ZNF189: variants seen among roughly 807,000 people sequenced by gnomAD.
ZNF189 encodes the protein zinc finger protein 189.
In ZNF189, 33 loss-of-function variants were observed where a neutral mutation model predicts 53.5. That is an observed-to-expected ratio of 0.62 (90% CI 0.47 to 0.82). The LOEUF is 0.82. Among genes scored for constraint, ZNF189 ranks in the 40% least tolerant of loss-of-function variants. The probability of loss-of-function intolerance (pLI) is 0.00; values close to 1 mark genes in which losing one functional copy is unlikely to be tolerated. For missense variants in ZNF189, 711 were observed against 753.9 expected, an observed-to-expected ratio of 0.94 and a Z score of 0.67; for synonymous variants, 247 against 238.8, an observed-to-expected ratio of 1.03 and a Z score of -0.32.
At position 101,409,509 on chromosome 9, in the gene ZNF189, C is replaced by G; in HGVS notation, c.1741C>G (p.Arg581Gly). ...GTGCGACAAAAGTTTCAGTCAACAG[C>G]GCAGTCTTGTCAACCATCAGAAGAT... ...EKCDKSFSQQ[R>G]SLVNHQKIHA... The change falls in exon 3 of 3, where the codon CGC becomes GGC. Residue 581 changes from arginine (R) to glycine (G), a missense_variant. Arg to Gly is a moderately radical substitution (Grantham distance 125). Transcript: ENST00000339664. The G allele has an allele frequency of 6.2e-7, 1 of 1,614,044 alleles. No individual in the cohort carries two copies. The highest frequency in any genetic ancestry group is 8.5e-7 in the Non-Finnish European group (1 of 1,179,990).
In ZNF189 at chr9:101,399,206, C is replaced by T; in HGVS notation, c.33+17C>T. ...GAGTCGAAGGTAAGTAAGCACCCCC[C>T]CGGGGATCCCGGTTGTCTCGCCGCT... On this transcript the variant is annotated intron_variant, in intron 1 of 2. Transcript: ENST00000339664. The T allele has an allele frequency of 1.3e-6, 2 of 1,577,408 alleles. No individual in the cohort carries two copies. Among genetic ancestry groups the T allele is most frequent in the Non-Finnish European group, 8.7e-7 (1 of 1,151,998 alleles).
chr9:101,405,526 C>A (rs1425548776), intron 2 of ZNF189, among the ~76,000 whole-genome samples: 2 of 151,976 alleles, frequency 1.3e-5, no homozygotes, highest in African/African-American at 2.4e-5. Context: ...TAATTGTGAG[C>A]CCTTTGTGAG....
intron 2 of ZNF189, among the ~76,000 whole-genome samples, chr9:101,405,998 G>T (rs1433801776): frequency 6.6e-6 from 1 of 151,076 alleles, no homozygotes; most frequent in African/African-American, 2.4e-5. Flanking sequence ...CCGCGAGGTG[G>T]AGGTTGTAGT....
At position 101,407,306 on chromosome 9, in the gene ZNF189, G is replaced by T. The variant is rs920126728; in HGVS notation, c.161-623G>T. The T allele has an allele frequency of 2.0e-5, 8 of 396,548 alleles. No individual in the cohort carries two copies. In the Admixed American group the frequency reaches 3.5e-4, roughly 17 times the overall value. The allele number at this position is 396,548 out of a possible 1,614,324, so 24.6% of individuals were successfully genotyped here. A position where few individuals can be genotyped will look rare whatever the true frequency, so the allele number is the denominator to read the frequency against. ...GTTTCTGGAGTGCTTTTGATGGGCA[G>T]TGAGTAAATGCTTGTTAATGAATGA... On this transcript the variant is annotated intron_variant, in intron 2 of 2. Transcript: ENST00000339664.
At chr9:101,403,804 G>T (rs1438278473) in intron 2 of ZNF189, among the ~76,000 whole-genome samples, 2 of 152,084 alleles carry the variant, frequency 1.3e-5, no homozygotes, top group African/African-American at 2.4e-5. Flanking sequence ...CTTCCCAAAG[G>T]CCCCGCCTCC....
At chr9:101,400,824 G>A (rs1484513708) in intron 2 of ZNF189, among the ~76,000 whole-genome samples, 4 of 152,192 alleles carry the variant, frequency 2.6e-5, no homozygotes, top group Non-Finnish European at 4.4e-5. Flanking sequence ...GGAAATGGAA[G>A]TTTATTGACT....
chr9:101,399,083 G>C lies in ZNF189; in HGVS notation c.-74G>C. The C allele has an allele frequency of 9.6e-7, 1 of 1,043,156 alleles. No homozygotes were observed. Among genetic ancestry groups the C allele is most frequent in the Non-Finnish European group, 1.5e-6 (1 of 666,480 alleles). The allele number at this position is 1,043,156 out of a possible 1,614,324, so 64.6% of individuals were successfully genotyped here. On this transcript the variant is annotated 5_prime_UTR_variant, in exon 1 of 3. Coordinates refer to ENST00000339664, the MANE Select transcript of ZNF189 (RefSeq NM_003452.4). ...TATTCGTCGAGCCTAATTTCCAGCA[G>C]CCGGGTAGGCCTCACCAGAGGCTCC...
intron 2 of ZNF189, among the ~76,000 whole-genome samples, chr9:101,402,634 T>C (rs1446832624): frequency 1.3e-5 from 2 of 152,200 alleles, no homozygotes; most frequent in African/African-American, 2.4e-5. Context: ...TTGTATATAC[T>C]CCTGCTATTG....
At chr9:101,399,843 T>C in intron 1 of ZNF189, 41 bp from the exon 2 acceptor site, 1 of 1,612,794 alleles carries the variant, frequency 6.2e-7, no homozygotes. Context: ...GAATTGTCCT[T>C]GAGACAACAG....
chr9:101,408,137 G>A lies in ZNF189; in HGVS notation c.369G>A (p.Leu123=). 2 of 1,613,876 alleles carry A rather than the reference G, an allele frequency of 1.2e-6. No homozygotes were observed. Among genetic ancestry groups the A allele is most frequent in the Non-Finnish European group, 1.7e-6 (2 of 1,179,954 alleles). The stretch of plus-strand genomic sequence containing the variant: ...TATGGGAAATACCAAGGGAATCTTT[G>A]ACCCAGGAACAGAGAATGTTCAGAG... ...IFLWEIPRES[L]TQEQRMFREN... The change falls in exon 3 of 3, where the codon TTG becomes TTA. Residue 123 remains leucine (L), a synonymous_variant. Coordinates refer to ENST00000339664, the MANE Select transcript of ZNF189 (RefSeq NM_003452.4).
Position 101,409,955 on chromosome 9 carries a change from G to T in ZNF189, c.*306G>T. 1 of 251,882 alleles carries T rather than the reference G, an allele frequency of 4.0e-6. No individual in the cohort carries two copies. The highest frequency in any genetic ancestry group is 7.6e-6 in the Non-Finnish European group (1 of 131,934). 15.6% of individuals were successfully genotyped at this position (251,882 alleles called of 1,614,324 possible). Reference sequence around the variant, plus strand: ...GGGACAAAGTTGGATTAGTATAAGGGAGCTGGAGCAGCTGATAGTGGAAAA... The same window carrying T: ...GGGACAAAGTTGGATTAGTATAAGGTAGCTGGAGCAGCTGATAGTGGAAAA... On this transcript the variant is annotated 3_prime_UTR_variant, in exon 3 of 3. Coordinates refer to ENST00000339664, the MANE Select transcript of ZNF189 (RefSeq NM_003452.4).
rs918407024 is a variant in ZNF189, at chr9:101,399,012, C to T, written c.-145C>T. On this transcript the variant is annotated 5_prime_UTR_variant, in exon 1 of 3. Transcript: ENST00000339664. ...GATATGCTGTTGGGGTCGTGACCGT[C>T]TGGGGGCCGAGGCAGGCACTGGCCA... 5.5e-6 allele frequency: 4 copies of T among 731,466 alleles called. No homozygotes were observed. The highest frequency in any genetic ancestry group is 1.0e-5 in the Non-Finnish European group (4 of 398,148). The allele number at this position is 731,466 out of a possible 1,614,324, so 45.3% of individuals were successfully genotyped here.
At chr9:101,406,876 C>G (rs1020760585) in intron 2 of ZNF189, among the ~76,000 whole-genome samples, 1 of 152,178 alleles carries the variant, frequency 6.6e-6, no homozygotes, top group African/African-American at 2.4e-5. Flanking sequence ...TCAACACATG[C>G]AAGATTTTCA....
chr9:101,404,139 A>T (rs191824788), intron 2 of ZNF189, among the ~76,000 whole-genome samples: 1 of 152,240 alleles, frequency 6.6e-6, no homozygotes, highest in Non-Finnish European at 1.5e-5. Flanking sequence ...TCTAATGGAT[A>T]GTCACTTCAA....
At chr9:101,401,708 A>AT (rs1464851484) in intron 2 of ZNF189, among the ~76,000 whole-genome samples, 4 of 152,080 alleles carry the variant, frequency 2.6e-5, no homozygotes, top group Non-Finnish European at 4.4e-5. Flanking sequence ...CTCCCTTTAA[A>AT]TTGTTTAACA....
rs750177867 is a variant in ZNF189, at chr9:101,408,661, G to T, written c.893G>T (p.Ser298Ile). ...YHCTKCKKSF[S>I]RNSLLVEHQR... is the part of the protein sequence containing the mutation. ...TGTACCAAATGTAAGAAGAGCTTTA[G>T]TCGAAATTCATTGCTTGTTGAGCAT... Residue 298 changes from serine (S) to isoleucine (I), a missense_variant, in exon 3 of 3, where the codon AGT becomes ATT. Ser to Ile is a moderately radical substitution (Grantham distance 142). Coordinates refer to ENST00000339664, the MANE Select transcript of ZNF189 (RefSeq NM_003452.4). 16 of 1,614,054 alleles carry T rather than the reference G, an allele frequency of 9.9e-6. No homozygotes were observed. In the African/African-American group the frequency reaches 1.3e-4, roughly 13 times the overall value.
intron 2 of ZNF189, among the ~76,000 whole-genome samples, chr9:101,401,321 G>C (rs980139134): frequency 1.1e-4 from 16 of 152,238 alleles, no homozygotes; most frequent in African/African-American, 3.4e-4. Flanking sequence ...CTCACCTTCT[G>C]TTTCTCAGAG....
chr9:101,408,977 G>A lies in ZNF189; in HGVS notation c.1209G>A (p.Glu403=), dbSNP rs200403396. 161 of 1,613,690 alleles carry A rather than the reference G, an allele frequency of 1.0e-4. No individual in the cohort carries two copies. The highest frequency in any genetic ancestry group is 1.2e-4 in the Non-Finnish European group (141 of 1,179,958). Residue 403 remains glutamate, a synonymous_variant, in exon 3 of 3, where the codon GAG becomes GAA. Coordinates refer to ENST00000339664, the MANE Select transcript of ZNF189 (RefSeq NM_003452.4). The stretch of plus-strand genomic sequence containing the variant: ...CAGGAGACAAGCCCCATAAATGTGA[G>A]GAATGTGGAAAAGCCTTTAGTAGAA... ...IHTGDKPHKC[E]ECGKAFSRSS...
rs541403934 is a variant in ZNF189, at chr9:101,409,072, A to T, written c.1304A>T (p.Glu435Val). The change falls in exon 3 of 3, where the codon GAA (glutamate) becomes GTA (valine). Residue 435 changes from glutamate to valine, a missense_variant. Coordinates refer to ENST00000339664, the MANE Select transcript of ZNF189 (RefSeq NM_003452.4). ...ACTTATCCATACAATGAAACTAAGG[A>T]AAGTTTTGATCCAAATTGCAGTCTT... ...EKTYPYNETK[E>V]SFDPNCSLVI... is the part of the protein sequence containing the mutation. The T allele has an allele frequency of 6.2e-7, 1 of 1,614,016 alleles. No individual in the cohort carries two copies. The highest frequency in any genetic ancestry group is 1.1e-5 in the South Asian group (1 of 91,070).
Sources: gnomAD v4.1 joint callset for allele counts (sites outside exome capture counted in the v4.1 genomes callset) on GRCh38, gnomAD v4.1.1 for gene constraint, MANE v1.5 for transcripts, NCBI Gene and HGNC (gene_info 2026-07-23, HGNC 2026-07-21) for gene names.